Variants in CADM2 observed in about 807,000 individuals in gnomAD.
CADM2 encodes immunoglobulin superfamily member 4D.
CADM2 carries 12 observed loss-of-function variants against 49.8 expected under a neutral mutation model. The observed-to-expected ratio is 0.24, with a 90% CI of 0.15 to 0.39. CADM2 has a LOEUF of 0.39. CADM2 is among the 10% of genes least tolerant of loss of function. The pLI, the probability that CADM2 is intolerant of heterozygous loss-of-function variation, is 1.00. For synonymous variants in CADM2, 214 were observed against 175.4 expected (o/e 1.22, Z -1.74); for missense variants, 378 against 492.3 (o/e 0.77, Z 2.20).
chr3:86,056,754 T>C (rs1440244719), intron 8 of CADM2, among the ~76,000 whole-genome samples: 1 of 152,148 alleles, frequency 6.6e-6, no homozygotes, highest in Non-Finnish European at 1.5e-5. Flanking sequence ...CAAACCAAAC[T>C]AAAACAAAGA....
intron 1 of CADM2, among the ~76,000 whole-genome samples, chr3:85,217,958 A>G (rs1043237199): frequency 4.6e-5 from 7 of 152,104 alleles, no homozygotes; most frequent in African/African-American, 1.7e-4. Context: ...ACTTTGTTGT[A>G]TATTTGGATA....
intron 1 of CADM2, among the ~76,000 whole-genome samples, chr3:85,679,363 G>C (rs978709491): frequency 2.6e-5 from 4 of 152,120 alleles, no homozygotes; most frequent in Non-Finnish European, 4.4e-5. Context: ...GAATGGACTA[G>C]AGTGAACTGG....
chr3:85,011,164 T>C (rs2033976825), intron 1 of CADM2, among the ~76,000 whole-genome samples: 1 of 151,384 alleles, frequency 6.6e-6, no homozygotes, highest in Non-Finnish European at 1.5e-5. Flanking sequence ...GCGCCCAGGC[T>C]GTTTATGTCT....
chr3:85,863,097 C>G (rs140884567), intron 3 of CADM2, among the ~76,000 whole-genome samples: 56 of 152,162 alleles, frequency 3.7e-4, no homozygotes, highest in African/African-American at 1.3e-3. Context: ...AGTCTGGAGA[C>G]ATAAATATAG....
At chr3:85,057,854 A>G (rs1424285681) in intron 1 of CADM2, among the ~76,000 whole-genome samples, 2 of 152,178 alleles carry the variant, frequency 1.3e-5, no homozygotes, top group East Asian at 3.9e-4. Flanking sequence ...CTAAAGATGG[A>G]GCATTTTTGC....
chr3:85,753,886 T>G (rs1005834238), intron 2 of CADM2, among the ~76,000 whole-genome samples: 2 of 152,130 alleles, frequency 1.3e-5, no homozygotes, highest in South Asian at 4.1e-4. Flanking sequence ...GGAAGGAAAG[T>G]AAAGTAAACT....
At chr3:85,118,132 A>G (rs1195877830) in intron 1 of CADM2, among the ~76,000 whole-genome samples, 2 of 151,114 alleles carry the variant, frequency 1.3e-5, no homozygotes, top group Non-Finnish European at 2.9e-5. Context: ...TTTTTTCTCT[A>G]TACATCATAA....
intron 2 of CADM2, among the ~76,000 whole-genome samples, chr3:85,756,274 C>A (rs2069117585): frequency 6.6e-6 from 1 of 152,050 alleles, no homozygotes; most frequent in Non-Finnish European, 1.5e-5. Context: ...ATAATGTCAT[C>A]ATCATGTCTT....
rs893273739 is a variant in CADM2 at position 85,818,496 on chromosome 3, C to A, written c.238+16300C>A. On this transcript the variant is annotated intron_variant, in intron 3 of 9. Coordinates refer to ENST00000383699, the MANE Select transcript of CADM2 (RefSeq NM_001167675.2). ...GTGTGTTGACTGGGTATCTAGCAAA[C>A]CAAAATGTGCATTTCTATTTTGTTT... Among the ~76,000 whole-genome samples the A allele has an allele frequency of 2.0e-5, 3 of 152,130 alleles. No individual in the cohort carries two copies. In the East Asian group the frequency reaches 5.8e-4, roughly 29 times the overall value.
At chr3:85,239,689 T>G (rs946703925) in intron 1 of CADM2, among the ~76,000 whole-genome samples, 1 of 151,406 alleles carries the variant, frequency 6.6e-6, no homozygotes, top group Non-Finnish European at 1.5e-5. Context: ...TACAAGAAAA[T>G]TGTTTCCTTT....
At chr3:85,087,743 T>C (rs2037437271) in intron 1 of CADM2, among the ~76,000 whole-genome samples, 1 of 152,188 alleles carries the variant, frequency 6.6e-6, no homozygotes, top group Non-Finnish European at 1.5e-5. Flanking sequence ...ATGTTGATAA[T>C]AAAACTATTC....
At chr3:85,700,676 C>T (rs1295413105) in intron 1 of CADM2, among the ~76,000 whole-genome samples, 1 of 152,100 alleles carries the variant, frequency 6.6e-6, no homozygotes, top group Non-Finnish European at 1.5e-5. Context: ...ACAATGCCAC[C>T]AGCTTCTTTG....
intron 1 of CADM2, among the ~76,000 whole-genome samples, chr3:85,720,158 G>A (rs977571659): frequency 6.6e-6 from 1 of 152,096 alleles, no homozygotes; most frequent in Non-Finnish European, 1.5e-5. Flanking sequence ...TGGCAAAATT[G>A]TGTGTCATTT....
intron 1 of CADM2, among the ~76,000 whole-genome samples, chr3:85,309,397 G>A (rs1462071585): frequency 2.0e-5 from 3 of 152,098 alleles, no homozygotes; most frequent in Admixed American, 2.0e-4. Context: ...TGTGCTTTCT[G>A]TCTGTGTGAG....
At chr3:85,575,008 T>C (rs1055134307) in intron 1 of CADM2, among the ~76,000 whole-genome samples, 5 of 152,096 alleles carry the variant, frequency 3.3e-5, no homozygotes, top group African/African-American at 9.7e-5. Context: ...CTTTTTCTTT[T>C]TAAAATTGCC....
At chr3:85,133,763 C>T (rs1190771160) in intron 1 of CADM2, among the ~76,000 whole-genome samples, 2 of 152,250 alleles carry the variant, frequency 1.3e-5, no homozygotes, top group Admixed American at 6.5e-5. Flanking sequence ...AGGTTCTCCA[C>T]GTCCCCTCCA....
At chr3:85,877,682 C>CTTTTT (rs1181629793) in intron 3 of CADM2, among the ~76,000 whole-genome samples, 3 of 78,734 alleles carry the variant, frequency 3.8e-5, no homozygotes, top group African/African-American at 1.9e-4. Flanking sequence ...TTTTTTTCTT[C>CTTTTT]TGTTTTTTTT....
chr3:85,401,968 A>T (rs1397568311), intron 1 of CADM2, among the ~76,000 whole-genome samples: 1 of 152,202 alleles, frequency 6.6e-6, no homozygotes, highest in Non-Finnish European at 1.5e-5. Flanking sequence ...CACTAATGCT[A>T]CAATTATTCT....
At chr3:85,368,807 G>T (rs2032988440) in intron 1 of CADM2, among the ~76,000 whole-genome samples, 1 of 151,956 alleles carries the variant, frequency 6.6e-6, no homozygotes, top group Non-Finnish European at 1.5e-5. Context: ...ATCACTCATT[G>T]TTTGCTCCCC....
Sources: gnomAD v4.1 joint callset for allele counts (sites outside exome capture counted in the v4.1 genomes callset) on GRCh38, gnomAD v4.1.1 for gene constraint, MANE v1.5 for transcripts, NCBI Gene and HGNC (gene_info 2026-07-23, HGNC 2026-07-21) for gene names.